Variants in IFT80 observed in about 807,000 individuals in gnomAD.
The protein encoded by IFT80 is intraflagellar transport 80.
IFT80 carries 79 observed loss-of-function variants against 107.9 expected under a neutral mutation model. The observed-to-expected ratio is 0.73, with a 90% confidence interval of 0.61 to 0.88. IFT80 has a LOEUF of 0.88. Among genes scored for constraint, IFT80 ranks in the 40% least tolerant of loss-of-function variants. IFT80 has a pLI of 0.00. For synonymous variants in IFT80, 299 were observed against 300.9 expected, an observed-to-expected ratio of 0.99 and a Z score of 0.07; for missense variants, 797 against 914.2, an observed-to-expected ratio of 0.87 and a Z score of 1.65.
chr3:160,372,419 A>G (rs1159067008), intron 5 of IFT80, among the ~76,000 whole-genome samples: 1 of 152,208 alleles, frequency 6.6e-6, no homozygotes, highest in Non-Finnish European at 1.5e-5. Context: ...GAAATTTTAT[A>G]AGTAATTAGG....
intron 5 of IFT80, chr3:160,373,744 C>T (rs2108391010): frequency 6.4e-6 from 1 of 157,008 alleles, no homozygotes; most frequent in South Asian, 2.0e-4. Context: ...ACCCAGATCC[C>T]TCGTATGCAC....
At chr3:160,342,010 T>A (rs1293959773) in intron 8 of IFT80, among the ~76,000 whole-genome samples, 2 of 152,202 alleles carry the variant, frequency 1.3e-5, no homozygotes, top group African/African-American at 4.8e-5. Flanking sequence ...CTTGTGTTTT[T>A]CTCACTTCTG....
At chr3:160,370,196 C>A (rs1037375254) in intron 5 of IFT80, among the ~76,000 whole-genome samples, 1 of 152,242 alleles carries the variant, frequency 6.6e-6, no homozygotes. Context: ...GTTCACTACT[C>A]TAATAAATTA....
chr3:160,391,190 C>T (rs374287690), intron 1 of IFT80, among the ~76,000 whole-genome samples: 26 of 152,336 alleles, frequency 1.7e-4, no homozygotes, highest in African/African-American at 5.8e-4. Context: ...TGCTGTATAA[C>T]ACCACCAGCT....
At chr3:160,280,467 T>C (rs889470208) in intron 15 of IFT80, among the ~76,000 whole-genome samples, 200 bp downstream of exon 15, 2 of 152,120 alleles carry the variant, frequency 1.3e-5, no homozygotes, top group Non-Finnish European at 2.9e-5. Flanking sequence ...AAGGGACAAA[T>C]AAATAATTCA....
Position 160,356,046 on chromosome 3 carries a change from C to T in IFT80, c.744G>A (p.Ser248=), listed in dbSNP as rs779731718. Residue 248 remains serine, a synonymous_variant, in exon 8 of 20, where the codon TCG becomes TCA. Coordinates refer to ENST00000326448, the MANE Select transcript of IFT80 (RefSeq NM_020800.3). ...APDGELFAVG[S]FHTLRLCDKT... Reference sequence around the variant, plus strand: ...TATCACACAAGCGTAAAGTATGAAACGATCCAACAGCAAATAATTCTCCAT... The same window carrying T: ...TATCACACAAGCGTAAAGTATGAAATGATCCAACAGCAAATAATTCTCCAT... 1.4e-5 allele frequency: 23 copies of T among 1,613,936 alleles called. 1 individual carries two copies. Among genetic ancestry groups the T allele is most frequent in the Admixed American group, 8.3e-5 (5 of 59,998 alleles).
intron 12 of IFT80, among the ~76,000 whole-genome samples, chr3:160,287,733 C>A (rs910379258): frequency 2.0e-5 from 3 of 152,254 alleles, no homozygotes; most frequent in Middle Eastern, 3.4e-3. Context: ...AATATACAAT[C>A]TCTTGGTAAT....
intron 8 of IFT80, among the ~76,000 whole-genome samples, chr3:160,335,499 GGCATGGGCT>G (rs1475135704): frequency 2.0e-5 from 3 of 151,992 alleles, no homozygotes; most frequent in Non-Finnish European, 4.4e-5. Context: ...TGGGATTACA[GGCATGGGCT>G]GCCATGCCTG....
At chr3:160,379,515 T>C (rs986388821) in intron 3 of IFT80, among the ~76,000 whole-genome samples, 3 of 152,260 alleles carry the variant, frequency 2.0e-5, no homozygotes, top group East Asian at 3.9e-4. Flanking sequence ...TAAAAGTACA[T>C]GTCTGCAAAC....
At chr3:160,379,306 C>A (rs566495741) in intron 3 of IFT80, among the ~76,000 whole-genome samples, 5 of 152,056 alleles carry the variant, frequency 3.3e-5, no homozygotes, top group Non-Finnish European at 7.4e-5. Context: ...TAAAGAGACA[C>A]AACAAAAACA....
chr3:160,301,168 T>A, intron 11 of IFT80, 122 bp from the exon 12 acceptor site: 2 of 963,442 alleles, frequency 2.1e-6, no homozygotes, highest in Non-Finnish European at 1.5e-6. Flanking sequence ...TGTAAATGTG[T>A]AGATATATAA....
chr3:160,316,765 T>C (rs2108293978), intron 9 of IFT80, among the ~76,000 whole-genome samples: 1 of 152,164 alleles, frequency 6.6e-6, no homozygotes, highest in South Asian at 2.1e-4. Context: ...AAGGCTGAGA[T>C]TTCTCCTGGA....
In IFT80 at chr3:160,262,812, AT is replaced by A. The variant is rs554176411; in HGVS notation, c.2224-4178del. ...AAAGAGACATATTTTGGGGTGTCAT[AT>A]TTTGGTTTCCTTCAACAACCTCTTA... On this transcript the variant is annotated intron_variant, in intron 19 of 19. Coordinates refer to ENST00000326448, the MANE Select transcript of IFT80 (RefSeq NM_020800.3). Among the ~76,000 whole-genome samples the A allele has an allele frequency of 1.2e-4, 18 of 152,254 alleles. No homozygotes were observed. In the South Asian group the frequency reaches 3.5e-3, roughly 30 times the overall value.
intron 19 of IFT80, among the ~76,000 whole-genome samples, chr3:160,261,663 T>C (rs1362254934): frequency 6.6e-6 from 1 of 150,792 alleles, no homozygotes; most frequent in Non-Finnish European, 1.5e-5. Context: ...TAGCTGGGCT[T>C]GGTGGCATTC....
intron 11 of IFT80, 137 bp downstream of exon 11, chr3:160,303,778 C>A: frequency 1.6e-6 from 1 of 621,686 alleles, no homozygotes; most frequent in Non-Finnish European, 2.9e-6. Context: ...TTTTCTTTTT[C>A]TTCTAAAATG....
At chr3:160,296,170 C>A (rs1468357837) in intron 12 of IFT80, among the ~76,000 whole-genome samples, 1 of 152,002 alleles carries the variant, frequency 6.6e-6, no homozygotes, top group Non-Finnish European at 1.5e-5. Context: ...TTAACTATTT[C>A]TATCACAATC....
At position 160,280,741 on chromosome 3, in the gene IFT80, T is replaced by C. The variant is rs1336462994; in HGVS notation, c.1590A>G (p.Ile530Met). 6.2e-7 allele frequency: 1 copy of C among 1,612,662 alleles called. No homozygotes were observed. The change falls in exon 15 of 20, where the codon ATA (isoleucine) becomes ATG (methionine). Residue 530 changes from isoleucine to methionine, a missense_variant. By Grantham distance (10) the Ile-to-Met change is conservative. Coordinates refer to ENST00000326448, the MANE Select transcript of IFT80 (RefSeq NM_020800.3). Reference protein sequence around the residue: ...ILCGLQDTRFIVWYYPNTVYV... With the variant: ...ILCGLQDTRFMVWYYPNTVYV... ...AAACTGTATTGGGGTAATACCACAC[T>C]ATAAATCGAGTATCTTGAAGTCCAC...
intron 8 of IFT80, among the ~76,000 whole-genome samples, chr3:160,332,341 TG>T (rs1024779970): frequency 6.6e-6 from 1 of 151,936 alleles, no homozygotes; most frequent in Non-Finnish European, 1.5e-5. Context: ...AACCAGCAGG[TG>T]GGGAGCAAAA....
At chr3:160,362,785 G>A (rs1721589680) in intron 6 of IFT80, among the ~76,000 whole-genome samples, 1 of 152,184 alleles carries the variant, frequency 6.6e-6, no homozygotes, top group African/African-American at 2.4e-5. Context: ...TATCTCAATA[G>A]ATGCAGAAAA....
Sources: gnomAD v4.1 joint callset for allele counts (sites outside exome capture counted in the v4.1 genomes callset) on GRCh38, gnomAD v4.1.1 for gene constraint, MANE v1.5 for transcripts, NCBI Gene and HGNC (gene_info 2026-07-23, HGNC 2026-07-21) for gene names.